Variants in SNRPN observed in about 807,000 individuals in gnomAD.
SNRPN encodes the protein small nuclear ribonucleoprotein-associated protein N.
In SNRPN, 7 loss-of-function variants were observed where a neutral mutation model predicts 25.2. That is an observed-to-expected ratio of 0.28 (90% CI 0.16 to 0.52). The LOEUF is 0.52. Ranked by LOEUF, SNRPN falls within the 20% of genes least tolerant of loss-of-function variation. The probability of loss-of-function intolerance (pLI) is 0.96; values close to 1 mark genes in which losing one functional copy is unlikely to be tolerated. For missense variants in SNRPN, 196 were observed against 322.5 expected (o/e 0.61, Z 3.00); for synonymous variants, 124 against 110.6 (o/e 1.12, Z -0.76).
intron 2 of SNRPN, among the ~76,000 whole-genome samples, chr15:24,900,830 T>G (rs11853946): frequency 0.11 from 16,091 of 152,248 alleles, 978 homozygotes; most frequent in East Asian, 0.26. Flanking sequence ...GGCATGTGGC[T>G]CACACCTATA....
At chr15:24,840,299 A>G (rs1406239770) in intron 2 of SNRPN, among the ~76,000 whole-genome samples, 1 of 152,200 alleles carries the variant, frequency 6.6e-6, no homozygotes, top group Non-Finnish European at 1.5e-5. Flanking sequence ...CAGAGGTTTC[A>G]ATGAGCCGAG....
intron 2 of SNRPN, among the ~76,000 whole-genome samples, chr15:24,966,123 C>T (rs2153551776): frequency 6.6e-6 from 1 of 152,190 alleles, no homozygotes; most frequent in East Asian, 1.9e-4. Flanking sequence ...AGAACATTCC[C>T]CTCAATGCAG....
intron 3 of SNRPN, among the ~76,000 whole-genome samples, chr15:24,931,932 T>C (rs973164370): frequency 1.4e-5 from 2 of 142,670 alleles, no homozygotes; most frequent in African/African-American, 5.4e-5. Flanking sequence ...TGGGGTAGGG[T>C]ATGCTCAGTT....
intron 2 of SNRPN, among the ~76,000 whole-genome samples, chr15:24,910,562 G>A (rs1389637596): frequency 6.6e-6 from 1 of 152,070 alleles, no homozygotes; most frequent in African/African-American, 2.4e-5. Flanking sequence ...TGCGATCTCG[G>A]CTCACTGCAA....
intron 3 of SNRPN, among the ~76,000 whole-genome samples, chr15:24,943,823 T>A (rs577890796): frequency 5.2e-4 from 79 of 152,126 alleles, no homozygotes; most frequent in African/African-American, 1.5e-3. Context: ...CTTTTTTTTT[T>A]AATTTTTTTA....
At chr15:24,914,662 C>A (rs2059412835) in intron 2 of SNRPN, among the ~76,000 whole-genome samples, 1 of 152,200 alleles carries the variant, frequency 6.6e-6, no homozygotes, top group Non-Finnish European at 1.5e-5. Flanking sequence ...GATCCCCAAT[C>A]AACTTATTAG....
intron 1 of SNRPN, among the ~76,000 whole-genome samples, chr15:24,884,760 G>A (rs1017758278): frequency 1.3e-5 from 2 of 152,090 alleles, no homozygotes; most frequent in Non-Finnish European, 2.9e-5. Flanking sequence ...ATCATGCCTA[G>A]ACATAAATAA....
At chr15:24,930,829 G>A (rs1193094776) in intron 3 of SNRPN, among the ~76,000 whole-genome samples, 1 of 151,772 alleles carries the variant, frequency 6.6e-6, no homozygotes, top group Admixed American at 6.6e-5. Flanking sequence ...AACCTGGGAG[G>A]TGGAGGTTGC....
intron 2 of SNRPN, among the ~76,000 whole-genome samples, chr15:24,835,106 AC>A (rs10709596): frequency 0.29 from 5,893 of 20,674 alleles, 1,795 homozygotes; most frequent in East Asian, 0.84. Flanking sequence ...AGATATATAT[AC>A]TATATATCTA....
At chr15:24,843,788 A>AACACACAAACAC (rs1555378743) in intron 2 of SNRPN, among the ~76,000 whole-genome samples, 1 of 139,806 alleles carries the variant, frequency 7.2e-6, no homozygotes, top group Non-Finnish European at 1.5e-5. Context: ...CTCCATCACA[A>AACACACAAACAC]ACACACACAC....
chr15:24,903,032 A>C (rs1477200747), intron 2 of SNRPN, among the ~76,000 whole-genome samples: 1 of 152,056 alleles, frequency 6.6e-6, no homozygotes, highest in Non-Finnish European at 1.5e-5. Flanking sequence ...TGCGTTTACA[A>C]ACCTTTAGCT....
At chr15:24,857,175 G>A (rs1349760904) in intron 1 of SNRPN, among the ~76,000 whole-genome samples, 1 of 151,832 alleles carries the variant, frequency 6.6e-6, no homozygotes, top group Non-Finnish European at 1.5e-5. Flanking sequence ...GAATTAATTT[G>A]TGTAGACAGA....
rs575783829 is a variant in SNRPN at position 24,862,787 on chromosome 15, G to T, written c.-579+6071G>T. Among the ~76,000 whole-genome samples the T allele has an allele frequency of 6.6e-5, 10 of 150,900 alleles. No homozygotes were observed. In the South Asian group the frequency reaches 8.3e-4, roughly 13 times the overall value. ...GAGGAGGAGCATTGGAGGAGATGCTGAAGAGTGAGGGGCAGGGGATCCACC... is the reference window on the plus strand; with the variant it reads ...GAGGAGGAGCATTGGAGGAGATGCTTAAGAGTGAGGGGCAGGGGATCCACC... On this transcript the variant is annotated intron_variant, in intron 1 of 11. Transcript: ENST00000400097.
chr15:24,880,745 C>T (rs900131913), intron 1 of SNRPN, among the ~76,000 whole-genome samples: 1 of 149,610 alleles, frequency 6.7e-6, no homozygotes, highest in African/African-American at 2.6e-5. Context: ...CATTTTAACA[C>T]TTACGCCTTT....
At chr15:24,879,383 G>C (rs1270648912) in intron 1 of SNRPN, among the ~76,000 whole-genome samples, 1 of 151,556 alleles carries the variant, frequency 6.6e-6, no homozygotes, top group Non-Finnish European at 1.5e-5. Context: ...GTTGCAGTGA[G>C]CCGAGATCCC....
At chr15:24,902,961 C>G (rs571812755) in intron 2 of SNRPN, among the ~76,000 whole-genome samples, 1 of 152,336 alleles carries the variant, frequency 6.6e-6, no homozygotes, top group Admixed American at 6.5e-5. Context: ...CTGCCCATGT[C>G]CTGCTGATTG....
chr15:24,969,366 T>C (rs2076110132), intron 3 of SNRPN, among the ~76,000 whole-genome samples: 1 of 145,260 alleles, frequency 6.9e-6, no homozygotes, highest in African/African-American at 2.5e-5. Flanking sequence ...TGAACTCAGG[T>C]GATCCACCTG....
chr15:24,959,774 A>C (rs2074470477), intron 1 of SNRPN, among the ~76,000 whole-genome samples: 1 of 152,182 alleles, frequency 6.6e-6, no homozygotes, highest in Non-Finnish European at 1.5e-5. Flanking sequence ...TTCATTCGTA[A>C]GTTGATGGAC....
At chr15:24,944,768 TTC>T (rs1253638767) in intron 3 of SNRPN, among the ~76,000 whole-genome samples, 2 of 152,188 alleles carry the variant, frequency 1.3e-5, no homozygotes, top group Non-Finnish European at 2.9e-5. Context: ...CAGTCTCTGT[TTC>T]TCTTTCTCAG....
Sources: allele counts gnomAD v4.1 joint callset (sites outside exome capture counted in the v4.1 genomes callset), GRCh38; gene constraint gnomAD v4.1.1; transcripts MANE v1.5; gene names NCBI Gene and HGNC (gene_info 2026-07-23, HGNC 2026-07-21).